The following SERP2 variants were observed in gnomAD, a reference collection of about 807,000 sequenced individuals.
SERP2 encodes the protein stress-associated endoplasmic reticulum protein 2.
Under a neutral mutation model 9.1 loss-of-function variants are expected in SERP2, and 6 were observed. The observed-to-expected ratio is 0.66, with a 90% CI of 0.36 to 1.30. The LOEUF (loss-of-function observed/expected upper bound fraction) is 1.30, where lower values mean the gene tolerates loss of function less well. SERP2 is among the 50% of genes most tolerant of loss of function. SERP2 has a pLI of 0.03. For missense variants in SERP2, 58 were observed against 81.9 expected (o/e 0.71, Z 1.13); for synonymous variants, 37 against 27.3 (o/e 1.35, Z -1.10).
At chr13:44,377,147 T>C (rs1871705338) in intron 1 of SERP2, among the ~76,000 whole-genome samples, 1 of 152,244 alleles carries the variant, frequency 6.6e-6, no homozygotes, top group South Asian at 2.1e-4. Context: ...GTTGATTCCA[T>C]GGAGAATGTC....
chr13:44,383,553 GT>G (rs71202275), intron 2 of SERP2, among the ~76,000 whole-genome samples: 3 of 132,012 alleles, frequency 2.3e-5, no homozygotes, highest in Non-Finnish European at 4.6e-5. Flanking sequence ...CGTTTTTTTT[GT>G]TTTTTTTTTT....
At chr13:44,383,544 G>GTTTTTGTTT (rs1566091595) in intron 2 of SERP2, among the ~76,000 whole-genome samples, 2 of 91,830 alleles carry the variant, frequency 2.2e-5, no homozygotes, top group Admixed American at 1.3e-4. Flanking sequence ...GGAGGTTTGC[G>GTTTTTGTTT]TTTTTTTTGT....
At chr13:44,378,793 T>G (rs1333727486) in intron 1 of SERP2, among the ~76,000 whole-genome samples, 2 of 152,176 alleles carry the variant, frequency 1.3e-5, no homozygotes, top group Non-Finnish European at 2.9e-5. Flanking sequence ...CACATAGACC[T>G]GGAGGTGTTG....
intron 2 of SERP2, among the ~76,000 whole-genome samples, chr13:44,382,431 C>T (rs8001614): frequency 0.94 from 118,818 of 126,524 alleles, 56,004 homozygotes; most frequent in Non-Finnish European, 1. Context: ...AGCGAGACTC[C>T]GTCTCAAAAA....
At chr13:44,393,975 T>C (rs1872934566) in intron 2 of SERP2, among the ~76,000 whole-genome samples, 1 of 152,224 alleles carries the variant, frequency 6.6e-6, no homozygotes, top group Non-Finnish European at 1.5e-5. Context: ...TGTGAACATG[T>C]TAAGGATCGC....
At chr13:44,376,799 G>A (rs1871680981) in intron 1 of SERP2, among the ~76,000 whole-genome samples, 1 of 151,958 alleles carries the variant, frequency 6.6e-6, no homozygotes, top group Admixed American at 6.6e-5. Flanking sequence ...ACAGAGAAAT[G>A]GAATAATCAT....
chr13:44,376,745 A>G (rs961064191), intron 1 of SERP2, among the ~76,000 whole-genome samples: 2 of 152,148 alleles, frequency 1.3e-5, no homozygotes, highest in Non-Finnish European at 2.9e-5. Context: ...ACCGCACTCC[A>G]GTCTGGGTGA....
intron 2 of SERP2, among the ~76,000 whole-genome samples, chr13:44,382,436 C>CAAAAA (rs71202274): frequency 6.6e-5 from 3 of 45,648 alleles, no homozygotes; most frequent in East Asian, 5.8e-4. Context: ...GACTCCGTCT[C>CAAAAA]AAAAAAAAAA....
chr13:44,390,038 C>A (rs1332805794), intron 2 of SERP2, among the ~76,000 whole-genome samples: 2 of 152,212 alleles, frequency 1.3e-5, no homozygotes, highest in East Asian at 3.8e-4. Context: ...GACTCTAAAA[C>A]CCATCTGTTT....
intron 2 of SERP2, among the ~76,000 whole-genome samples, chr13:44,385,379 C>A (rs1241852226): frequency 2.6e-5 from 4 of 152,208 alleles, no homozygotes; most frequent in Admixed American, 6.5e-5. Flanking sequence ...GAATGCCACC[C>A]CTCACTGCAA....
At chr13:44,396,064 G>A in intron 2 of SERP2, 1 of 236,870 alleles carries the variant, frequency 4.2e-6, no homozygotes, top group Non-Finnish European at 8.6e-6. Flanking sequence ...GAAATATGTT[G>A]GTATCTCCAA....
At chr13:44,387,749 A>G (rs906799278) in intron 2 of SERP2, among the ~76,000 whole-genome samples, 1 of 152,190 alleles carries the variant, frequency 6.6e-6, no homozygotes, top group Admixed American at 6.5e-5. Flanking sequence ...GGCAGCATCA[A>G]TGGAGTCACC....
Position 44,397,417 on chromosome 13 carries a change from A to G in SERP2, c.*105A>G, listed in dbSNP as rs1873182022. 5.8e-6 allele frequency: 5 copies of G among 863,584 alleles called. No homozygotes were observed. The highest frequency in any genetic ancestry group is 9.6e-6 in the Non-Finnish European group (5 of 521,910). The allele number at this position is 863,584 out of a possible 1,614,324, so 53.5% of individuals were successfully genotyped here. On this transcript the variant is annotated 3_prime_UTR_variant, in exon 3 of 3. Coordinates refer to ENST00000379179, the MANE Select transcript of SERP2 (RefSeq NM_001010897.3). ...AACAAGCAGGCCACACGGAATAGAA[A>G]AAAACGCTCCCCCACTTGTTCCCTG...
chr13:44,374,181 G>GGGGGGGGGGGGGGGGGGGGGGGGGGGC, intron 1 of SERP2, 72 bp downstream of exon 1: 1 of 448,636 alleles, frequency 2.2e-6, no homozygotes. Flanking sequence ...TGGGGGCGGG[G>GGGGGGGGGGGGGGGGGGGGGGGGGGGC]CCGGGCGGGT....
chr13:44,392,594 G>T (rs1187700431), intron 2 of SERP2, among the ~76,000 whole-genome samples: 1 of 152,104 alleles, frequency 6.6e-6, no homozygotes, highest in Non-Finnish European at 1.5e-5. Context: ...AAATCCACAG[G>T]TCTTGGTTAT....
chr13:44,374,162 G>GA (rs1871486691), intron 1 of SERP2, 53 bp downstream of exon 1: 3 of 520,334 alleles, frequency 5.8e-6, no homozygotes, highest in Non-Finnish European at 9.3e-6. Context: ...GGCGGGGTGG[G>GA]GCGGAAGGTG....
At chr13:44,381,913 A>T (rs1872001478) in intron 2 of SERP2, among the ~76,000 whole-genome samples, 1 of 152,144 alleles carries the variant, frequency 6.6e-6, no homozygotes, top group Non-Finnish European at 1.5e-5. Context: ...GTAGGATATA[A>T]GCTCAGGGGA....
chr13:44,374,223 G>C, intron 1 of SERP2, 114 bp downstream of exon 1: 1 of 706,064 alleles, frequency 1.4e-6, no homozygotes, highest in East Asian at 3.7e-5. Flanking sequence ...CCGGCTCCCG[G>C]CCCGCCCCTT....
intron 1 of SERP2, among the ~76,000 whole-genome samples, chr13:44,377,162 A>T (rs1871706125): frequency 6.6e-6 from 1 of 152,234 alleles, no homozygotes; most frequent in South Asian, 2.1e-4. Context: ...AATGTCATCC[A>T]AAAGGTTTTT....
Sources: gnomAD v4.1 joint callset for allele counts (sites outside exome capture counted in the v4.1 genomes callset) on GRCh38, gnomAD v4.1.1 for gene constraint, MANE v1.5 for transcripts, NCBI Gene and HGNC (gene_info 2026-07-23, HGNC 2026-07-21) for gene names.